Variants in PZP observed in about 807,000 individuals in gnomAD.
PZP encodes the protein pregnancy zone protein.
In PZP, 150 loss-of-function variants were observed where a neutral mutation model predicts 179.8. That is an observed-to-expected ratio of 0.83 (90% CI 0.73 to 0.96). PZP has a LOEUF of 0.96. Among genes scored for constraint, PZP ranks in the 40% least tolerant of loss-of-function variants. PZP has a pLI of 0.00. For synonymous variants in PZP, 624 were observed against 652.3 expected, an observed-to-expected ratio of 0.96 and a Z score of 0.66; for missense variants, 1,689 against 1,764.0, an observed-to-expected ratio of 0.96 and a Z score of 0.76.
chr12:9,178,831 G>T (rs773173762), intron 15 of PZP, among the ~76,000 whole-genome samples: 17 of 152,190 alleles, frequency 1.1e-4, no homozygotes, highest in Non-Finnish European at 1.9e-4. Context: ...GGGGGCACTA[G>T]TGGATATGCT....
chr12:9,155,928 C>T (rs1020865551), intron 28 of PZP: 2 of 160,488 alleles, frequency 1.2e-5, no homozygotes, highest in Non-Finnish European at 2.8e-5. Flanking sequence ...GGAGTCACAC[C>T]ATCCTCATGG....
chr12:9,144,596 C>T (rs1057062316), downstream of PZP, among the ~76,000 whole-genome samples: 1 of 152,152 alleles, frequency 6.6e-6, no homozygotes, highest in Non-Finnish European at 1.5e-5. Flanking sequence ...GAGAATAAAC[C>T]TGAGAGGGGC....
chr12:9,170,367 T>A lies in PZP; in HGVS notation c.1840-776A>T, dbSNP rs7138416. Among the ~76,000 whole-genome samples, 53,702 of 152,038 alleles carry A rather than the reference T, an allele frequency of 0.35. 10,056 individuals are homozygous for A. The highest frequency in any genetic ancestry group is 0.42 in the Non-Finnish European group (28,450 of 67,948). On this transcript the variant is annotated intron_variant, in intron 15 of 35. Coordinates refer to ENST00000261336, the MANE Select transcript of PZP (RefSeq NM_002864.3). This position sits in a 1 kb window ranked among gnomAD's most constrained non-coding sequence, Gnocchi z 4.6. ...CTATGTGGAGTCTTGGCAGAGCAGC[T>A]GCTCAGGCACACAGAAACCCTGGAG...
Position 9,164,266 on chromosome 12 carries a change from C to T in PZP, c.2488-7G>A, listed in dbSNP as rs751695450. 1.7e-5 allele frequency: 27 copies of T among 1,611,834 alleles called. No homozygotes were observed. Among genetic ancestry groups the T allele is most frequent in the Non-Finnish European group, 2.1e-5 (25 of 1,178,572 alleles). ...CTTTCAGCTGCACACTGACCTATCA[C>T]CCCATGTGAGGCAGAGACAGAAATG... On this transcript the variant is annotated splice_region_variant and splice_polypyrimidine_tract_variant and intron_variant, in intron 19 of 35. Coordinates refer to ENST00000261336, the MANE Select transcript of PZP (RefSeq NM_002864.3).
At position 9,208,291 on chromosome 12, in the gene PZP, C is replaced by T. The variant is rs140480992; in HGVS notation, c.51G>A (p.Leu17=). The change falls in exon 1 of 36, where the codon CTG becomes CTA. Residue 17 remains leucine (L), a synonymous_variant. Coordinates refer to ENST00000261336, the MANE Select transcript of PZP (RefSeq NM_002864.3). ...TAGAGTTTGAGTCACTGGCAGAAAG[C>T]AGGATAAGAAGTAGCACAAGACATA... is the stretch of plus-strand genomic sequence containing the variant. ...LHLCLVLLLI[L]LSASDSNSTE... is the part of the protein sequence containing the mutation. The T allele has an allele frequency of 6.2e-7, 1 of 1,613,680 alleles. No homozygotes were observed. The highest frequency in any genetic ancestry group is 2.2e-5 in the East Asian group (1 of 44,862).
downstream of PZP, among the ~76,000 whole-genome samples, chr12:9,145,037 C>A (rs1238265179): frequency 6.6e-6 from 1 of 152,150 alleles, no homozygotes; most frequent in Non-Finnish European, 1.5e-5. Context: ...CTTTTTCATC[C>A]CTTCACTTTC....
intron 2 of PZP, among the ~76,000 whole-genome samples, 155 bp downstream of exon 2, chr12:9,203,613 T>A (rs953253870): frequency 6.6e-6 from 1 of 152,136 alleles, no homozygotes; most frequent in Non-Finnish European, 1.5e-5. Context: ...AGTGCTGGGA[T>A]TACAGGCGTG....
rs773966913 is a variant in PZP at position 9,160,337 on chromosome 12, T to G, written c.3026A>C (p.Lys1009Thr). 18 of 1,613,644 alleles carry G rather than the reference T, an allele frequency of 1.1e-5. No homozygotes were observed. The highest frequency in any genetic ancestry group is 1.5e-5 in the Non-Finnish European group (18 of 1,179,860). Residue 1009 changes from lysine (K) to threonine (T), a missense_variant, in exon 24 of 36, where the codon AAG (lysine) becomes ACG (threonine). Lys to Thr is a moderately conservative substitution (Grantham distance 78). Transcript: ENST00000261336. ...ACCAGTGATGAGATAGCCAACGGCC[T>G]TGGCCTTGATCTCCTGCGTCAGCTG... ...TQQLTQEIKA[K>T]AVGYLITGYQ...
intron 34 of PZP, 99 bp downstream of exon 34, chr12:9,150,545 G>T: frequency 1.3e-6 from 1 of 790,318 alleles, no homozygotes; most frequent in Non-Finnish European, 2.1e-6. Flanking sequence ...AGAAACAAAA[G>T]ATTAATGTTG....
Position 9,182,086 on chromosome 12 carries a change from C to T in PZP, c.1578G>A (p.Val526=). ...GTGCAATGGGGGCAACGTCTGACTC[C>T]ACAGGGAAGGATAAGGCAAAACTGC... ...MKGSFALSFP[V]ESDVAPIARM... The change falls in exon 14 of 36, where the codon GTG becomes GTA. Residue 526 remains valine (V), a synonymous_variant. Transcript: ENST00000261336. The T allele has an allele frequency of 1.2e-6, 2 of 1,612,780 alleles. No individual in the cohort carries two copies. The highest frequency in any genetic ancestry group is 1.7e-6 in the Non-Finnish European group (2 of 1,179,494).
Position 9,192,566 on chromosome 12 carries a change from A to G in PZP, c.1428T>C (p.Tyr476=). 6.2e-7 allele frequency: 1 copy of G among 1,614,222 alleles called. No homozygotes were observed. Among genetic ancestry groups the G allele is most frequent in the Non-Finnish European group, 8.5e-7 (1 of 1,180,044 alleles). The stretch of plus-strand genomic sequence containing the variant: ...CTCCCATGGCCTGTCTATTCAGTGT[A>G]TAGTGTGCCGTGATAGTCTCCGTGT... ...CGHTETITAH[Y]TLNRQAMGEL... Residue 476 remains tyrosine (Y), a synonymous_variant, in exon 12 of 36, where the codon TAT becomes TAC. Coordinates refer to ENST00000261336, the MANE Select transcript of PZP (RefSeq NM_002864.3).
At chr12:9,157,720 A>G (rs1940864785) in intron 27 of PZP, 47 bp downstream of exon 27, 2 of 1,554,488 alleles carry the variant, frequency 1.3e-6, no homozygotes, top group Non-Finnish European at 1.8e-6. Flanking sequence ...TCCAGACAGC[A>G]AATCTACAGT....
At position 9,158,416 on chromosome 12, in the gene PZP, T is replaced by A. The variant is rs747199749; in HGVS notation, c.3294+4A>T. On this transcript the variant is annotated splice_donor_region_variant and intron_variant, in intron 26 of 35. Transcript: ENST00000261336. Reference sequence around the variant, plus strand: ...CAGGCTCAGAAGTTTGTGGAACAGTTCACCTTTATGGCATTGTTGAGCAGT... The same window carrying A: ...CAGGCTCAGAAGTTTGTGGAACAGTACACCTTTATGGCATTGTTGAGCAGT... The A allele has an allele frequency of 6.2e-7, 1 of 1,614,102 alleles. No individual in the cohort carries two copies. Among genetic ancestry groups the A allele is most frequent in the East Asian group, 2.2e-5 (1 of 44,882 alleles).
In PZP at chr12:9,196,424, G is replaced by C. The variant is rs1445916913; in HGVS notation, c.998C>G (p.Ala333Gly). 6.2e-7 allele frequency: 1 copy of C among 1,611,932 alleles called. No individual in the cohort carries two copies. The highest frequency in any genetic ancestry group is 2.2e-5 in the East Asian group (1 of 44,850). ...REEGTDLEVT[A>G]NRISEITNIV... The stretch of plus-strand genomic sequence containing the variant: ...GTTTGTGATTTCACTGATCCTGTTT[G>C]CAGTGACTTCCAGGTCTGAAAAATA... The change falls in exon 10 of 36, where the codon GCA becomes GGA. Residue 333 changes from alanine to glycine, a missense_variant. Around this residue, in one of 3 missense-constraint regions of PZP, gnomAD observed 742 missense variants for 730.5 expected, o/e 1.02. Coordinates refer to ENST00000261336, the MANE Select transcript of PZP (RefSeq NM_002864.3).
intron 22 of PZP, among the ~76,000 whole-genome samples, chr12:9,161,615 T>C (rs945700737): frequency 3.3e-5 from 5 of 152,204 alleles, no homozygotes; most frequent in Non-Finnish European, 7.3e-5. Context: ...ATAACCATGA[T>C]AATACAAGTT....
chr12:9,191,836 T>C (rs1943474401), intron 13 of PZP, among the ~76,000 whole-genome samples: 1 of 152,148 alleles, frequency 6.6e-6, no homozygotes, highest in South Asian at 2.1e-4. Context: ...TTTCCCATGA[T>C]AATTACTTTT....
At chr12:9,156,910 CTA>C (rs1374539000) in intron 28 of PZP, among the ~76,000 whole-genome samples, 2 of 151,768 alleles carry the variant, frequency 1.3e-5, no homozygotes, top group Non-Finnish European at 1.5e-5. Flanking sequence ...TATTATTTAT[CTA>C]TTTATTTATT....
At position 9,153,354 on chromosome 12, in the gene PZP, C is replaced by T. The variant is rs377592811; in HGVS notation, c.3775-11G>A. ...AGCCACCACTGTGTCCTGGAAGAGA[C>T]GAGTGGACAACCGCCCCAAAGAGTA... On this transcript the variant is annotated splice_polypyrimidine_tract_variant and intron_variant, in intron 29 of 35. Transcript: ENST00000261336. The T allele has an allele frequency of 3.5e-4, 554 of 1,605,218 alleles. No individual in the cohort carries two copies. The highest frequency in any genetic ancestry group is 5.4e-4 in the Middle Eastern group (3 of 5,600).
intron 1 of PZP, 75 bp downstream of exon 1, chr12:9,208,184 A>G: frequency 2.5e-5 from 28 of 1,130,588 alleles, no homozygotes; most frequent in Non-Finnish European, 3.4e-5. Flanking sequence ...TGGCATTTAC[A>G]AAGGAAGGCA....
Sources: allele counts gnomAD v4.1 joint callset (sites outside exome capture counted in the v4.1 genomes callset), GRCh38; gene constraint gnomAD v4.1.1; regional missense constraint gnomAD v4.1.1; non-coding constraint Gnocchi (gnomAD v3.1); transcripts MANE v1.5; gene names NCBI Gene and HGNC (gene_info 2026-07-23, HGNC 2026-07-21).